Variants in HSD17B12 observed in about 807,000 individuals in gnomAD.
HSD17B12 encodes hydroxysteroid 17-beta dehydrogenase 12, also known as very-long-chain 3-oxoacyl-CoA reductase.
HSD17B12 carries 32 observed loss-of-function variants against 39.3 expected under a neutral mutation model. The ratio of observed to expected loss-of-function variants is 0.81; its 90% confidence interval spans 0.61 to 1.09. The LOEUF is 1.09. Ranked by LOEUF, HSD17B12 falls within the 50% of genes least tolerant of loss-of-function variation. The pLI is 0.00. For synonymous variants in HSD17B12, 150 were observed against 146.7 expected (o/e 1.02, Z -0.16); for missense variants, 342 against 382.9 (o/e 0.89, Z 0.89).
At chr11:43,746,476 C>T (rs916115502) in intron 1 of HSD17B12, among the ~76,000 whole-genome samples, 1 of 152,168 alleles carries the variant, frequency 6.6e-6, no homozygotes, top group African/African-American at 2.4e-5. Flanking sequence ...TTTACCTCCA[C>T]ATTTTGTCCC....
rs531977019 is a variant in HSD17B12, at chr11:43,772,976, T to A, written c.283+18855T>A. On this transcript the variant is annotated intron_variant, in intron 3 of 10. Coordinates refer to ENST00000278353, the MANE Select transcript of HSD17B12 (RefSeq NM_016142.3). ...AATACAAAAAAATAGCTGGGTGCGG[T>A]GGCACGTGCTTATAGTTTCAGCTGC... Among the ~76,000 whole-genome samples the A allele has an allele frequency of 1.4e-4, 21 of 152,142 alleles. No homozygotes were observed. The South Asian group carries it at 4.4e-3, about 32-fold the overall frequency.
chr11:43,581,845 T>G, the HSD17B12 span, among the ~76,000 whole-genome samples: 1 of 152,246 alleles, frequency 6.6e-6, no homozygotes, highest in Non-Finnish European at 1.5e-5. The surrounding 1 kb of genome is among the most constrained non-coding windows in gnomAD (Gnocchi z 4.9). Flanking sequence ...GAAAAGGATC[T>G]GAGCTTAAGG....
chr11:43,770,375 C>T (rs923044055), intron 3 of HSD17B12, among the ~76,000 whole-genome samples: 2 of 152,146 alleles, frequency 1.3e-5, no homozygotes, highest in Non-Finnish European at 2.9e-5. Context: ...TAGTGCAGCA[C>T]CTACTTGCTT....
the HSD17B12 span, among the ~76,000 whole-genome samples, chr11:43,604,292 T>C: frequency 2.0e-5 from 3 of 152,216 alleles, no homozygotes; most frequent in South Asian, 6.2e-4. Flanking sequence ...TAATTTGTGA[T>C]GCTCAAAGTT....
chr11:43,577,005 G>A, the HSD17B12 span, among the ~76,000 whole-genome samples: 1 of 152,192 alleles, frequency 6.6e-6, no homozygotes, highest in African/African-American at 2.4e-5. Flanking sequence ...GAGATTAATG[G>A]AGACTGTGCA....
the HSD17B12 span, among the ~76,000 whole-genome samples, chr11:43,622,958 C>CT: frequency 1.3e-5 from 2 of 151,268 alleles, no homozygotes; most frequent in African/African-American, 4.9e-5. Flanking sequence ...ATGATCAAAA[C>CT]TTTTTTTTTA....
the HSD17B12 span, among the ~76,000 whole-genome samples, chr11:43,659,114 C>T: frequency 5.9e-5 from 9 of 152,224 alleles, no homozygotes; most frequent in Non-Finnish European, 1.0e-4. Flanking sequence ...TCCCCAGCCT[C>T]GCTGCTGCCT....
At chr11:43,621,397 AC>A in the HSD17B12 span, among the ~76,000 whole-genome samples, 1 of 152,098 alleles carries the variant, frequency 6.6e-6, no homozygotes, top group African/African-American at 2.4e-5. Flanking sequence ...GAAAACTTGA[AC>A]TTCATGCTTA....
the HSD17B12 span, among the ~76,000 whole-genome samples, chr11:43,641,233 A>G: frequency 3.3e-4 from 1 of 3,052 alleles, no homozygotes; most frequent in Non-Finnish European, 0.023. Context: ...TTTGTTGGGG[A>G]AAAAATGAGA....
chr11:43,732,683 G>T (rs1486614171), intron 1 of HSD17B12, among the ~76,000 whole-genome samples: 1 of 151,952 alleles, frequency 6.6e-6, no homozygotes, highest in Non-Finnish European at 1.5e-5. Context: ...GGCTGGTCTC[G>T]AACTCCTGGT....
chr11:43,612,475 G>A, the HSD17B12 span, among the ~76,000 whole-genome samples: 1 of 152,200 alleles, frequency 6.6e-6, no homozygotes, highest in Non-Finnish European at 1.5e-5. Context: ...GATATATATA[G>A]TCTGTCAGAG....
chr11:43,814,276 T>C (rs1951100949), intron 4 of HSD17B12, among the ~76,000 whole-genome samples: 1 of 152,130 alleles, frequency 6.6e-6, no homozygotes, highest in African/African-American at 2.4e-5. Context: ...CCGGCATACT[T>C]TGCTCTATCA....
the HSD17B12 span, among the ~76,000 whole-genome samples, chr11:43,599,936 C>T: frequency 1.1e-4 from 16 of 152,254 alleles, 1 homozygote; most frequent in Middle Eastern, 0.01. Flanking sequence ...AATATCCCTT[C>T]TAATGTTAAG....
intron 3 of HSD17B12, among the ~76,000 whole-genome samples, chr11:43,783,555 C>A (rs1450255168): frequency 6.6e-6 from 1 of 151,904 alleles, no homozygotes; most frequent in African/African-American, 2.4e-5. Context: ...TAATGCTATC[C>A]CTCTGCTTGC....
chr11:43,686,481 T>C (rs1386769844), intron 1 of HSD17B12, among the ~76,000 whole-genome samples: 2 of 152,058 alleles, frequency 1.3e-5, no homozygotes, highest in Non-Finnish European at 2.9e-5. Context: ...TTTATTTGAT[T>C]TGGAGGAAAA....
At chr11:43,636,107 G>C in the HSD17B12 span, among the ~76,000 whole-genome samples, 1 of 152,144 alleles carries the variant, frequency 6.6e-6, no homozygotes, top group Non-Finnish European at 1.5e-5. Flanking sequence ...TCCCACTTTT[G>C]TTTAAACAGG....
chr11:43,656,464 G>C, the HSD17B12 span, among the ~76,000 whole-genome samples: 3 of 152,026 alleles, frequency 2.0e-5, no homozygotes, highest in Non-Finnish European at 4.4e-5. Context: ...GTTTGCTCTT[G>C]CTTCTCTAGG....
intron 4 of HSD17B12, among the ~76,000 whole-genome samples, chr11:43,799,712 A>G (rs938914562): frequency 6.6e-6 from 1 of 152,132 alleles, no homozygotes; most frequent in Non-Finnish European, 1.5e-5. Flanking sequence ...TTTTAAAAAC[A>G]TTTTCTAACA....
the HSD17B12 span, among the ~76,000 whole-genome samples, chr11:43,564,898 C>CTTT: frequency 5.7e-5 from 8 of 140,580 alleles, no homozygotes; most frequent in African/African-American, 5.4e-5. Flanking sequence ...CTTTCTTCTT[C>CTTT]TTTTTTTTTT....
Sources: allele counts gnomAD v4.1 joint callset (sites outside exome capture counted in the v4.1 genomes callset), GRCh38; gene constraint gnomAD v4.1.1; non-coding constraint Gnocchi (gnomAD v3.1); transcripts MANE v1.5; gene names NCBI Gene and HGNC (gene_info 2026-07-23, HGNC 2026-07-21).